ZNG1B: variants seen among roughly 807,000 people sequenced by gnomAD.
The protein encoded by ZNG1B is Zn regulated GTPase metalloprotein activator 1B.
the ZNG1B span, among the ~76,000 whole-genome samples, chr2:113,459,180 A>G: frequency 6.6e-6 from 1 of 151,986 alleles, no homozygotes; most frequent in African/African-American, 2.4e-5. Flanking sequence ...CCATAATTGC[A>G]GAGTGGGTCT....
At chr2:113,453,315 T>C in the ZNG1B span, 2 of 1,476,184 alleles carry the variant, frequency 1.4e-6, no homozygotes, top group South Asian at 2.5e-5. Context: ...TGCAGTGGCA[T>C]GATCTCGGCT....
chr2:113,490,577 A>G, the ZNG1B span, among the ~76,000 whole-genome samples: 4 of 152,254 alleles, frequency 2.6e-5, no homozygotes, highest in Non-Finnish European at 5.9e-5. Flanking sequence ...TAAAATTGAT[A>G]GACTGTTAGC....
the ZNG1B span, among the ~76,000 whole-genome samples, chr2:113,476,989 C>G: frequency 6.6e-6 from 1 of 152,198 alleles, no homozygotes; most frequent in Non-Finnish European, 1.5e-5. Flanking sequence ...GTGCCCTGCC[C>G]CCAGAGGTGG....
the ZNG1B span, chr2:113,495,829 G>T: frequency 3.8e-6 from 2 of 527,806 alleles, no homozygotes; most frequent in Non-Finnish European, 6.5e-6. Flanking sequence ...TATTACTTTA[G>T]TTACGAATTC....
At chr2:113,471,164 C>T in the ZNG1B span, 107 of 1,208,760 alleles carry the variant, frequency 8.9e-5, no homozygotes, top group African/African-American at 1.5e-3. Context: ...ATGATTTGCA[C>T]AATTGCATCC....
chr2:113,480,165 CAG>C, the ZNG1B span, among the ~76,000 whole-genome samples: 1 of 149,334 alleles, frequency 6.7e-6, no homozygotes, highest in Non-Finnish European at 1.5e-5. Flanking sequence ...TTTATTGAGA[CAG>C]AGTCTCACTC....
chr2:113,477,169 G>C, the ZNG1B span, among the ~76,000 whole-genome samples: 18 of 152,302 alleles, frequency 1.2e-4, 1 homozygote, highest in East Asian at 3.5e-3. Context: ...CAATCAGCGA[G>C]ACTCCGTGGG....
At chr2:113,490,483 C>T in the ZNG1B span, among the ~76,000 whole-genome samples, 12 of 151,076 alleles carry the variant, frequency 7.9e-5, no homozygotes, top group South Asian at 2.1e-4. Flanking sequence ...AAGACCAGAG[C>T]GGAATTAAAT....
chr2:113,469,058 ATTAAACT>A, the ZNG1B span: 1 of 151,764 alleles, frequency 6.6e-6, no homozygotes, highest in Admixed American at 6.6e-5. Context: ...TGTAAACTTT[ATTAAACT>A]TTAAGCTATT....
the ZNG1B span, among the ~76,000 whole-genome samples, chr2:113,484,442 G>A: frequency 1.3e-5 from 2 of 150,382 alleles, no homozygotes; most frequent in South Asian, 2.1e-4. Flanking sequence ...CTTCAGGAGA[G>A]AAGGTGAGAG....
At chr2:113,487,687 A>T in the ZNG1B span, among the ~76,000 whole-genome samples, 1 of 150,554 alleles carries the variant, frequency 6.6e-6, no homozygotes, top group African/African-American at 2.5e-5. Flanking sequence ...AGATTCATCC[A>T]TGTTGTAGTA....
the ZNG1B span, chr2:113,438,935 A>G: frequency 1.3e-6 from 2 of 1,537,706 alleles, no homozygotes; most frequent in Non-Finnish European, 1.8e-6. Flanking sequence ...TGTTTTTTAA[A>G]AAACTTTGTA....
At chr2:113,438,962 C>T in the ZNG1B span, 6 of 1,508,016 alleles carry the variant, frequency 4.0e-6, no homozygotes, top group Middle Eastern at 2.4e-4. Context: ...AAGTTTATTC[C>T]CGTTTTTTGC....
the ZNG1B span, among the ~76,000 whole-genome samples, chr2:113,477,719 A>G: frequency 5.3e-5 from 8 of 152,302 alleles, no homozygotes; most frequent in East Asian, 1.5e-3. Context: ...TAAGTGTACA[A>G]TACAGTATTG....
the ZNG1B span, among the ~76,000 whole-genome samples, chr2:113,453,630 G>A: frequency 2.6e-5 from 4 of 151,124 alleles, no homozygotes; most frequent in African/African-American, 7.3e-5. Context: ...TCCTTGCATT[G>A]TTGTTCTTTT....
the ZNG1B span, among the ~76,000 whole-genome samples, chr2:113,448,228 T>G: frequency 6.6e-6 from 1 of 151,966 alleles, no homozygotes; most frequent in East Asian, 1.9e-4. Flanking sequence ...ATTAATCTCC[T>G]TGTACATCTC....
chr2:113,437,951 C>A, the ZNG1B span: 4 of 1,612,016 alleles, frequency 2.5e-6, no homozygotes, highest in South Asian at 2.2e-5. Flanking sequence ...ATGGAGACGA[C>A]GCAAAGCGAG....
chr2:113,442,708 C>T, the ZNG1B span, among the ~76,000 whole-genome samples: 1 of 151,872 alleles, frequency 6.6e-6, no homozygotes, highest in African/African-American at 2.4e-5. Context: ...GTATATAGTC[C>T]GAATTCTGTA....
At chr2:113,472,788 A>G in the ZNG1B span, among the ~76,000 whole-genome samples, 2 of 151,876 alleles carry the variant, frequency 1.3e-5, no homozygotes, top group East Asian at 3.9e-4. Flanking sequence ...CAAAGATCAG[A>G]TAGTTGTAGA....
Sources: allele counts gnomAD v4.1 joint callset (sites outside exome capture counted in the v4.1 genomes callset), GRCh38; gene constraint gnomAD v4.1.1; transcripts MANE v1.5; gene names NCBI Gene and HGNC (gene_info 2026-07-23, HGNC 2026-07-21).